Variants in ARRDC5 observed in about 807,000 individuals in gnomAD.
ARRDC5 encodes arrestin domain containing 5, also known as arrestin domain-containing protein 5.
Under a neutral mutation model 13.3 loss-of-function variants are expected in ARRDC5, and 12 were observed. The ratio of observed to expected loss-of-function variants is 0.90; its 90% CI spans 0.58 to 1.46. The LOEUF (loss-of-function observed/expected upper bound fraction) is 1.46, where lower values mean the gene tolerates loss of function less well. Ranked by LOEUF, ARRDC5 falls within the 40% of genes most tolerant of loss-of-function variation. The pLI, the probability that ARRDC5 is intolerant of heterozygous loss-of-function variation, is 0.00. For missense variants in ARRDC5, 406 were observed against 418.7 expected (o/e 0.97, Z 0.26); for synonymous variants, 181 against 173.4 (o/e 1.04, Z -0.34).
chr19:4,894,237 C>G (rs1248090352), intron 2 of ARRDC5, among the ~76,000 whole-genome samples: 1 of 128,668 alleles, frequency 7.8e-6, no homozygotes, highest in African/African-American at 3.0e-5. Context: ...ATTGGCCGGG[C>G]GCGGTGGCTC....
In ARRDC5 at chr19:4,890,927, G is replaced by A. The variant is rs2031478314; in HGVS notation, c.*119C>T. On this transcript the variant is annotated 3_prime_UTR_variant, in exon 3 of 3. Transcript: ENST00000650722. The stretch of plus-strand genomic sequence containing the variant: ...AGATACCTAAACCGCTAGAGCTTGG[G>A]GAGGTTGCAGACAACCTGTTGCCCA... 4.0e-6 allele frequency: 3 copies of A among 745,364 alleles called. No homozygotes were observed. Among genetic ancestry groups the A allele is most frequent in the Admixed American group, 2.9e-5 (1 of 34,662 alleles). The allele number at this position is 745,364 out of a possible 1,614,324, so 46.2% of individuals were successfully genotyped here. A position where few individuals can be genotyped will look rare whatever the true frequency, so the allele number is the denominator to read the frequency against.
chr19:4,893,662 G>A (rs12980909), intron 2 of ARRDC5, among the ~76,000 whole-genome samples: 1 of 147,320 alleles, frequency 6.8e-6, no homozygotes, highest in Non-Finnish European at 1.5e-5. Flanking sequence ...GAGGCCAAGG[G>A]GGGAGGATCA....
chr19:4,902,371 C>T (rs751757292), intron 1 of ARRDC5, among the ~76,000 whole-genome samples: 12 of 152,184 alleles, frequency 7.9e-5, no homozygotes, highest in South Asian at 2.1e-4. Flanking sequence ...ATCGGGGTTC[C>T]GATCAGCTCC....
At chr19:4,906,438 C>T (rs1449820014), upstream of ARRDC5, among the ~76,000 whole-genome samples, 2 of 152,162 alleles carry the variant, frequency 1.3e-5, no homozygotes, top group Non-Finnish European at 2.9e-5. Flanking sequence ...TTAGGCTGTG[C>T]CCCTCACCAC....
Position 4,890,881 on chromosome 19 carries a change from A to T in ARRDC5, c.*165T>A, listed in dbSNP as rs746682637. 7 of 604,870 alleles carry T rather than the reference A, an allele frequency of 1.2e-5. No individual in the cohort carries two copies. Among genetic ancestry groups the T allele is most frequent in the Non-Finnish European group, 2.0e-5 (7 of 347,136 alleles). The allele number at this position is 604,870 out of a possible 1,614,324, so 37.5% of individuals were successfully genotyped here. On this transcript the variant is annotated 3_prime_UTR_variant, in exon 3 of 3. Coordinates refer to ENST00000650722, the MANE Select transcript of ARRDC5 (RefSeq NM_001080523.3). Reference sequence around the variant, plus strand: ...TTGTCCATTCCAGGCATTCAGTGATAGTTCTAGGGAGGGGAGACACAGATA... The same window carrying T: ...TTGTCCATTCCAGGCATTCAGTGATTGTTCTAGGGAGGGGAGACACAGATA...
the ARRDC5 span, chr19:4,910,179 G>A: frequency 6.6e-6 from 1 of 152,006 alleles, no homozygotes; most frequent in South Asian, 2.1e-4. Flanking sequence ...GGGCCAGTGG[G>A]AGTGCGGGAG....
chr19:4,914,881 C>G, the ARRDC5 span, among the ~76,000 whole-genome samples: 1 of 152,272 alleles, frequency 6.6e-6, no homozygotes, highest in Middle Eastern at 3.4e-3. Context: ...GGAGTGAGCC[C>G]TGTGCCAGGC....
chr19:4,909,844 A>C, the ARRDC5 span: 1 of 395,656 alleles, frequency 2.5e-6, no homozygotes, highest in Non-Finnish European at 4.5e-6. Flanking sequence ...TGGAGCCGGG[A>C]CCAGCGCTGC....
intron 1 of ARRDC5, among the ~76,000 whole-genome samples, chr19:4,897,435 G>A (rs376893909): frequency 1.3e-5 from 2 of 152,262 alleles, no homozygotes; most frequent in Non-Finnish European, 1.5e-5. Context: ...GTTGTCACCC[G>A]AAACCACTGA....
At chr19:4,893,166 T>TA (rs2031572891) in intron 2 of ARRDC5, among the ~76,000 whole-genome samples, 1 of 141,300 alleles carries the variant, frequency 7.1e-6, no homozygotes, top group Non-Finnish European at 1.5e-5. Flanking sequence ...ATATAATATA[T>TA]TATTATATAT....
rs1416130119 is a variant in ARRDC5 at position 4,899,766 on chromosome 19, A to T, written c.253+2807T>A. Among the ~76,000 whole-genome samples, 1,027 of 111,990 alleles carry T rather than the reference A, an allele frequency of 9.2e-3. 13 individuals are homozygous for T. The highest frequency in any genetic ancestry group is 0.019 in the Middle Eastern group (4 of 216). The allele number at this position is 111,990 out of a possible 152,430, so 73.5% of individuals were successfully genotyped here. ...AACACGGTGAAACCCCGTCTCTACA[A>T]AAAAAAAAAAAAAAAAAAAAAAATT... On this transcript the variant is annotated intron_variant, in intron 1 of 2. Transcript: ENST00000650722.
At chr19:4,912,214 G>A in the ARRDC5 span, among the ~76,000 whole-genome samples, 150 of 152,332 alleles carry the variant, frequency 9.8e-4, no homozygotes, top group Admixed American at 1.8e-3. Flanking sequence ...CAAGCCGCGT[G>A]TGTGCAGAGA....
At chr19:4,894,686 A>G (rs1017965852) in intron 2 of ARRDC5, among the ~76,000 whole-genome samples, 1 of 140,580 alleles carries the variant, frequency 7.1e-6, no homozygotes, top group Non-Finnish European at 1.6e-5. Context: ...TGTCTCAAAA[A>G]AAAAAAAAAG....
the ARRDC5 span, among the ~76,000 whole-genome samples, chr19:4,914,999 G>A: frequency 6.6e-6 from 1 of 152,230 alleles, no homozygotes; most frequent in African/African-American, 2.4e-5. Context: ...GGGCACTGCA[G>A]GGTGCGGAGC....
rs1197210545 is a variant in ARRDC5, at chr19:4,890,605, GC to G, written c.*440del. ...GGATAAACAATTCCTGATTGTGGGG[GC>G]CGTCCTGGACACTGCAGGGTGCTGA... On this transcript the variant is annotated 3_prime_UTR_variant, in exon 3 of 3. Transcript: ENST00000650722. 1 of 168,592 alleles carries G rather than the reference GC, an allele frequency of 5.9e-6. No individual in the cohort carries two copies. Among genetic ancestry groups the G allele is most frequent in the Non-Finnish European group, 1.3e-5 (1 of 77,138 alleles). 10.4% of individuals were successfully genotyped at this position (168,592 alleles called of 1,614,324 possible).
At chr19:4,898,014 GA>G (rs2031791746) in intron 1 of ARRDC5, among the ~76,000 whole-genome samples, 1 of 152,158 alleles carries the variant, frequency 6.6e-6, no homozygotes, top group African/African-American at 2.4e-5. Flanking sequence ...TTGAACGTGC[GA>G]GACGGAGGTT....
chr19:4,910,939 G>C, the ARRDC5 span: 3 of 1,613,570 alleles, frequency 1.9e-6, no homozygotes, highest in Non-Finnish European at 2.5e-6. Context: ...CGGTGGACTC[G>C]CTGTCCAGGC....
chr19:4,912,414 A>G, the ARRDC5 span, among the ~76,000 whole-genome samples: 34 of 152,282 alleles, frequency 2.2e-4, no homozygotes, highest in African/African-American at 7.7e-4. Context: ...TTCACAGCGT[A>G]GGTCAGTGGC....
chr19:4,904,167 CTTTTTG>C (rs922644431), upstream of ARRDC5, among the ~76,000 whole-genome samples: 6 of 151,096 alleles, frequency 4.0e-5, no homozygotes, highest in South Asian at 2.1e-4. Flanking sequence ...AATTTTTGTT[CTTTTTG>C]TTTTTGTTTT....
Sources: gnomAD v4.1 joint callset for allele counts (sites outside exome capture counted in the v4.1 genomes callset) on GRCh38, gnomAD v4.1.1 for gene constraint, MANE v1.5 for transcripts, NCBI Gene and HGNC (gene_info 2026-07-23, HGNC 2026-07-21) for gene names.